SEMA5A: variants seen among roughly 807,000 people sequenced by gnomAD.
The protein encoded by SEMA5A is semaphorin-5A.
Under a neutral mutation model 135.5 loss-of-function variants are expected in SEMA5A, and 55 were observed. That is an observed-to-expected ratio of 0.41 (90% CI 0.33 to 0.51). SEMA5A has a LOEUF of 0.51. Ranked by LOEUF, SEMA5A falls within the 20% of genes least tolerant of loss-of-function variation. SEMA5A has a pLI of 0.37. For synonymous variants in SEMA5A, 580 were observed against 546.5 expected (o/e 1.06, Z -0.85); for missense variants, 1,290 against 1,419.9 (o/e 0.91, Z 1.47).
chr5:9,163,224 A>G (rs3797918), intron 11 of SEMA5A, among the ~76,000 whole-genome samples: 17,822 of 151,960 alleles, frequency 0.12, 1,783 homozygotes, highest in African/African-American at 0.25. Context: ...GCAAACAGGG[A>G]AACAGACGAT....
intron 1 of SEMA5A, among the ~76,000 whole-genome samples, chr5:9,489,925 T>C (rs1040981810): frequency 2.0e-5 from 3 of 152,180 alleles, no homozygotes; most frequent in Non-Finnish European, 4.4e-5. Flanking sequence ...TCTAGCTCCA[T>C]GCTGCTGTTG....
At chr5:9,284,375 C>T (rs777886289) in intron 5 of SEMA5A, among the ~76,000 whole-genome samples, 4 of 152,140 alleles carry the variant, frequency 2.6e-5, no homozygotes, top group African/African-American at 7.2e-5. Context: ...AAGCAAAAGA[C>T]CTTCAGTTTC....
At chr5:9,444,135 T>C (rs1445346831) in intron 1 of SEMA5A, among the ~76,000 whole-genome samples, 1 of 152,232 alleles carries the variant, frequency 6.6e-6, no homozygotes, top group African/African-American at 2.4e-5. Context: ...GATCTCTGGA[T>C]TTGTTCAATA....
intron 13 of SEMA5A, among the ~76,000 whole-genome samples, chr5:9,132,359 A>G (rs1741481983): frequency 1.3e-5 from 2 of 152,190 alleles, no homozygotes; most frequent in African/African-American, 2.4e-5. Context: ...GGAATCCTGA[A>G]GAGGTGATTA....
chr5:9,182,191 G>A (rs1037310788), intron 11 of SEMA5A, among the ~76,000 whole-genome samples: 3 of 145,150 alleles, frequency 2.1e-5, no homozygotes, highest in African/African-American at 7.9e-5. Flanking sequence ...AGGACAGGGT[G>A]TCTGTCTGTC....
intron 1 of SEMA5A, among the ~76,000 whole-genome samples, chr5:9,497,211 G>T (rs1442646023): frequency 6.6e-6 from 1 of 152,178 alleles, no homozygotes; most frequent in Non-Finnish European, 1.5e-5. Flanking sequence ...TCAATGATGA[G>T]CTCCCAAGAG....
intron 8 of SEMA5A, 123 bp from the exon 9 acceptor site, chr5:9,202,363 G>A: frequency 1.0e-6 from 1 of 953,718 alleles, no homozygotes; most frequent in Non-Finnish European, 1.5e-6. Context: ...GTTCCTATAG[G>A]ACTATTGGGA....
chr5:9,362,497 CACTT>C (rs1415356547), intron 3 of SEMA5A, among the ~76,000 whole-genome samples: 1 of 152,182 alleles, frequency 6.6e-6, no homozygotes, highest in African/African-American at 2.4e-5. Context: ...AGGGCAGAGA[CACTT>C]AGTTTGAATG....
At chr5:9,429,546 A>T (rs774073749) in intron 2 of SEMA5A, among the ~76,000 whole-genome samples, 1 of 152,256 alleles carries the variant, frequency 6.6e-6, no homozygotes, top group Non-Finnish European at 1.5e-5. Flanking sequence ...TTACAAGAAA[A>T]GCAATAAAGC....
intron 1 of SEMA5A, among the ~76,000 whole-genome samples, chr5:9,459,692 T>C (rs761298260): frequency 2.0e-5 from 3 of 152,238 alleles, no homozygotes; most frequent in Non-Finnish European, 4.4e-5. Context: ...GTATGTTCTT[T>C]TAAGTCACTA....
intron 11 of SEMA5A, among the ~76,000 whole-genome samples, chr5:9,174,113 G>A (rs1372035063): frequency 6.6e-6 from 1 of 152,226 alleles, no homozygotes; most frequent in Non-Finnish European, 1.5e-5. Context: ...ATCTCTGCAA[G>A]TGACAAATAC....
chr5:9,462,718 C>T (rs955171562), intron 1 of SEMA5A, among the ~76,000 whole-genome samples: 5 of 151,990 alleles, frequency 3.3e-5, no homozygotes, highest in African/African-American at 1.2e-4. Context: ...AGCAAACCAA[C>T]ACAGGAATAG....
chr5:9,397,880 T>TA (rs1427683493), intron 2 of SEMA5A, among the ~76,000 whole-genome samples: 4 of 152,130 alleles, frequency 2.6e-5, no homozygotes, highest in African/African-American at 9.7e-5. Context: ...TAATTATTTT[T>TA]AAAATGACTA....
chr5:9,282,182 T>C (rs1750578073), intron 5 of SEMA5A, among the ~76,000 whole-genome samples: 1 of 152,084 alleles, frequency 6.6e-6, no homozygotes, highest in Non-Finnish European at 1.5e-5. Flanking sequence ...AAGAGCATCA[T>C]GGCAGATTAG....
At position 9,448,431 on chromosome 5, in the gene SEMA5A, C is replaced by T. The variant is rs368520424; in HGVS notation, c.-174-10579G>A. On this transcript the variant is annotated intron_variant, in intron 1 of 22. Transcript: ENST00000382496. ...GCTATGCCTGACACATGGTAAACCC[C>T]TAGCAGGGAGTTAGCCCCGCCCCTT... 1.1e-4 allele frequency among the ~76,000 whole-genome samples: 16 copies of T among 152,328 alleles called. No homozygotes were observed. The East Asian group carries it at 2.7e-3, about 26-fold the overall frequency.
At chr5:9,203,938 A>G (rs1383069994) in intron 8 of SEMA5A, among the ~76,000 whole-genome samples, 2 of 152,132 alleles carry the variant, frequency 1.3e-5, no homozygotes, top group Non-Finnish European at 2.9e-5. Context: ...ACATATCTGT[A>G]ACTTGTGTTT....
chr5:9,308,835 T>C (rs1280863853), intron 5 of SEMA5A, among the ~76,000 whole-genome samples: 1 of 152,018 alleles, frequency 6.6e-6, no homozygotes, highest in African/African-American at 2.4e-5. Context: ...TACCCCCACT[T>C]TAGTGCTGCT....
chr5:9,301,447 G>A (rs937599310), intron 5 of SEMA5A, among the ~76,000 whole-genome samples: 2 of 152,152 alleles, frequency 1.3e-5, no homozygotes, highest in African/African-American at 2.4e-5. Flanking sequence ...ACTAGGTTAC[G>A]CCAAAAACAA....
intron 2 of SEMA5A, among the ~76,000 whole-genome samples, chr5:9,433,421 C>G (rs1241982623): frequency 3.4e-4 from 51 of 151,830 alleles, no homozygotes. Context: ...AGCAAACAAG[C>G]AAATGAAATA....
Sources: gnomAD v4.1 joint callset for allele counts (sites outside exome capture counted in the v4.1 genomes callset) on GRCh38, gnomAD v4.1.1 for gene constraint, MANE v1.5 for transcripts, NCBI Gene and HGNC (gene_info 2026-07-23, HGNC 2026-07-21) for gene names.